The following HMOX1 variants were observed in gnomAD, a reference collection of about 807,000 sequenced individuals.
The protein encoded by HMOX1 is heme oxygenase 1, also known as heat shock protein, 32-kD.
Under a neutral mutation model 27.8 loss-of-function variants are expected in HMOX1, and 22 were observed. That is an observed-to-expected ratio of 0.79 (90% confidence interval 0.57 to 1.13). HMOX1 has a LOEUF of 1.13. Ranked by LOEUF, HMOX1 falls within the 50% of genes most tolerant of loss-of-function variation. The pLI, the probability that HMOX1 is intolerant of heterozygous loss-of-function variation, is 0.00. For missense variants in HMOX1, 379 were observed against 377.7 expected (o/e 1.00, Z -0.03); for synonymous variants, 153 against 151.6 (o/e 1.01, Z -0.07).
intron 3 of HMOX1, among the ~76,000 whole-genome samples, chr22:35,389,071 G>A (rs1050514304): frequency 1.3e-5 from 2 of 152,090 alleles, no homozygotes; most frequent in East Asian, 1.9e-4. Context: ...GGACATGGGC[G>A]GCCACAGTGA....
intron 4 of HMOX1, among the ~76,000 whole-genome samples, chr22:35,391,586 CTTTTTTTT>C (rs56153278): frequency 1.1e-5 from 1 of 89,008 alleles, no homozygotes; most frequent in Non-Finnish European, 2.0e-5. Context: ...CGCGCCCGGC[CTTTTTTTT>C]TTTTTTTTTT....
intron 1 of HMOX1, among the ~76,000 whole-genome samples, chr22:35,381,524 A>G (rs1253661158): frequency 6.7e-6 from 1 of 150,250 alleles, no homozygotes; most frequent in Non-Finnish European, 1.5e-5. Context: ...CTGAATCTAG[A>G]TCTCTGGGGC....
chr22:35,391,585 C>CA lies in HMOX1; in HGVS notation c.736+1622_736+1623insA, dbSNP rs372077518. On this transcript the variant is annotated intron_variant, in intron 4 of 4. Coordinates refer to ENST00000216117, the MANE Select transcript of HMOX1 (RefSeq NM_002133.3). ...TACAGGTGTGAGCCACCGCGCCCGGCCTTTTTTTTTTTTTTTTTTTTTTTT... is the reference window on the plus strand; with the variant it reads ...TACAGGTGTGAGCCACCGCGCCCGGCACTTTTTTTTTTTTTTTTTTTTTTTT... Among the ~76,000 whole-genome samples, 202 of 112,462 alleles carry CA rather than the reference C, an allele frequency of 1.8e-3. 15 individuals carry two copies. The highest frequency in any genetic ancestry group is 6.4e-3 in the African/African-American group (150 of 23,468). The allele number at this position is 112,462 out of a possible 152,430, so 73.8% of individuals were successfully genotyped here. A position where few individuals can be genotyped will look rare whatever the true frequency, so the allele number is the denominator to read the frequency against.
At chr22:35,389,387 C>CTTTCTTT (rs1931635503) in intron 3 of HMOX1, among the ~76,000 whole-genome samples, 6 of 51,196 alleles carry the variant, frequency 1.2e-4, no homozygotes, top group African/African-American at 4.1e-4. Flanking sequence ...TTCCTTCCTT[C>CTTTCTTT]CTTCCTTCCT....
Position 35,381,722 on chromosome 22 carries a change from C to T in HMOX1, c.23+526C>T, listed in dbSNP as rs559835574. ...TCAGAACTGGGCCTTGAACCTTGGT[C>T]TGCCCACCTCCAGGTCTCACTCATT... On this transcript the variant is annotated intron_variant, in intron 1 of 4. Coordinates refer to ENST00000216117, the MANE Select transcript of HMOX1 (RefSeq NM_002133.3). 4.3e-4 allele frequency among the ~76,000 whole-genome samples: 65 copies of T among 152,206 alleles called. 1 individual carries two copies. Among genetic ancestry groups the T allele is most frequent in the Admixed American group, 4.6e-4 (7 of 15,284 alleles).
intron 1 of HMOX1, 74 bp downstream of exon 1, chr22:35,381,270 G>A: frequency 6.7e-7 from 1 of 1,496,000 alleles, no homozygotes; most frequent in Non-Finnish European, 9.0e-7. Flanking sequence ...CCCCACCCCG[G>A]GACACTGCCA....
At chr22:35,384,835 T>C (rs2145765502) in intron 2 of HMOX1, among the ~76,000 whole-genome samples, 1 of 150,660 alleles carries the variant, frequency 6.6e-6, no homozygotes, top group East Asian at 1.9e-4. Context: ...TCAGATCATC[T>C]GCTCTAGGAT....
chr22:35,386,777 C>T lies in HMOX1; in HGVS notation c.237C>T (p.Phe79=), dbSNP rs536618397. The T allele has an allele frequency of 3.5e-5, 56 of 1,614,208 alleles. No homozygotes were observed. The South Asian group carries it at 5.9e-4, about 17-fold the overall frequency. The stretch of plus-strand genomic sequence containing the variant: ...GCCCAGTCTTCGCCCCTGTCTACTT[C>T]CCAGAAGAGCTGCACCGCAAGGCTG... ...KESPVFAPVY[F]PEELHRKAAL... The change falls in exon 3 of 5, where the codon TTC becomes TTT. Residue 79 remains phenylalanine, a synonymous_variant. Transcript: ENST00000216117.
In HMOX1 at chr22:35,393,622, GC is replaced by G; in HGVS notation, c.*26del. 1 of 1,613,922 alleles carries G rather than the reference GC, an allele frequency of 6.2e-7. No homozygotes were observed. Among genetic ancestry groups the G allele is most frequent in the East Asian group, 2.2e-5 (1 of 44,872 alleles). On this transcript the variant is annotated 3_prime_UTR_variant, in exon 5 of 5. Transcript: ENST00000216117. The stretch of plus-strand genomic sequence containing the variant: ...GAATGCAGGCATGCTGGCTCCCAGG[GC>G]CATGAACTTTGTCCGGTGGAAGGCC...
Position 35,386,990 on chromosome 22 carries a change from T to G in HMOX1, c.450T>G (p.Ile150Met). ...DLSGGQVLKK[I>M]AQKALDLPSS... ...CTGGGGGCCAGGTGCTCAAAAAGAT[T>G]GCCCAGAAAGCCCTGGACCTGCCCA... Residue 150 changes from isoleucine (I) to methionine (M), a missense_variant, in exon 3 of 5, where the codon ATT becomes ATG. Ile to Met is a conservative substitution (Grantham distance 10). Transcript: ENST00000216117. 2 of 1,613,950 alleles carry G rather than the reference T, an allele frequency of 1.2e-6. No individual in the cohort carries two copies. Among genetic ancestry groups the G allele is most frequent in the Non-Finnish European group, 1.7e-6 (2 of 1,180,034 alleles).
At chr22:35,390,785 G>A (rs1931697515) in intron 4 of HMOX1, among the ~76,000 whole-genome samples, 1 of 152,132 alleles carries the variant, frequency 6.6e-6, no homozygotes, top group Admixed American at 6.5e-5. Context: ...CCAGGGAGTT[G>A]GGGACCTGTA....
At chr22:35,385,295 A>C (rs1931475254) in intron 2 of HMOX1, among the ~76,000 whole-genome samples, 1 of 152,028 alleles carries the variant, frequency 6.6e-6, no homozygotes, top group Non-Finnish European at 1.5e-5. Flanking sequence ...CCCTCTCCTG[A>C]GCCATGGTGG....
Position 35,381,126 on chromosome 22 carries a change from G to A in HMOX1, c.-48G>A. 6.5e-7 allele frequency: 1 copy of A among 1,535,902 alleles called. No individual in the cohort carries two copies. ...CTGCCTCCTCTCGAGCGTCCTCAGC[G>A]CAGCCGCCGCCCGCGGAGCCAGCAC... is the stretch of plus-strand genomic sequence containing the variant. On this transcript the variant is annotated 5_prime_UTR_variant, in exon 1 of 5. Transcript: ENST00000216117.
chr22:35,392,481 C>T (rs531526356), intron 4 of HMOX1, among the ~76,000 whole-genome samples: 52 of 152,220 alleles, frequency 3.4e-4, no homozygotes, highest in African/African-American at 1.1e-3. Flanking sequence ...CTTGCTTGTA[C>T]TTCCTGTGAC....
At position 35,389,944 on chromosome 22, in the gene HMOX1, G is replaced by A. The variant is rs1237693277; in HGVS notation, c.717G>A (p.Arg239=). 1.9e-6 allele frequency: 3 copies of A among 1,611,376 alleles called. No individual in the cohort carries two copies. The Admixed American group carries it at 5.0e-5, about 27-fold the overall frequency. The part of the protein sequence containing the change: ...SPSRAPGLRQ[R]ASNKVQDSAP... ...CACGGGCACCAGGGCTTCGCCAGCGGGCCAGCAACAAAGTGCAAGGTGAGA... is the reference window on the plus strand; with the variant it reads ...CACGGGCACCAGGGCTTCGCCAGCGAGCCAGCAACAAAGTGCAAGGTGAGA... Residue 239 remains arginine (R), a synonymous_variant, in exon 4 of 5, where the codon CGG becomes CGA. Transcript: ENST00000216117.
At chr22:35,384,988 C>T (rs1220191139) in intron 2 of HMOX1, among the ~76,000 whole-genome samples, 3 of 151,944 alleles carry the variant, frequency 2.0e-5, no homozygotes, top group Non-Finnish European at 4.4e-5. Context: ...TTTCTGTCCC[C>T]TCAAGGAATA....
In HMOX1 at chr22:35,381,120, C is replaced by T; in HGVS notation, c.-54C>T. 1 of 1,535,304 alleles carries T rather than the reference C, an allele frequency of 6.5e-7. No individual in the cohort carries two copies. Among genetic ancestry groups the T allele is most frequent in the Non-Finnish European group, 8.7e-7 (1 of 1,146,246 alleles). ...CAACGCCTGCCTCCTCTCGAGCGTC[C>T]TCAGCGCAGCCGCCGCCCGCGGAGC... On this transcript the variant is annotated 5_prime_UTR_variant, in exon 1 of 5. Transcript: ENST00000216117.
At position 35,391,382 on chromosome 22, in the gene HMOX1, G is replaced by C. The variant is rs549663653; in HGVS notation, c.736+1419G>C. Among the ~76,000 whole-genome samples the C allele has an allele frequency of 2.6e-5, 4 of 151,898 alleles. No individual in the cohort carries two copies. In the East Asian group the frequency reaches 7.7e-4, roughly 29 times the overall value. Reference sequence around the variant, plus strand: ...GGCTCACTGCAAGCTCCGCCTCCCAGGTTCACGCCATTCTCCTGCCTCAGC... The same window carrying C: ...GGCTCACTGCAAGCTCCGCCTCCCACGTTCACGCCATTCTCCTGCCTCAGC... On this transcript the variant is annotated intron_variant, in intron 4 of 4. Transcript: ENST00000216117.
At position 35,393,699 on chromosome 22, in the gene HMOX1, G is replaced by A. The variant is rs1048795422; in HGVS notation, c.*101G>A. ...GGCTGGCTTCCTTACCGTGGGCACT[G>A]AAGGCTTTCAGGGCCTCCAGCCCTC... On this transcript the variant is annotated 3_prime_UTR_variant, in exon 5 of 5. Coordinates refer to ENST00000216117, the MANE Select transcript of HMOX1 (RefSeq NM_002133.3). The A allele has an allele frequency of 4.1e-6, 6 of 1,473,814 alleles. No homozygotes were observed. Among genetic ancestry groups the A allele is most frequent in the Admixed American group, 3.4e-5 (2 of 59,426 alleles). The allele number at this position is 1,473,814 out of a possible 1,614,324, so 91.3% of individuals were successfully genotyped here. A position where few individuals can be genotyped will look rare whatever the true frequency, so the allele number is the denominator to read the frequency against.
Sources: allele counts gnomAD v4.1 joint callset (sites outside exome capture counted in the v4.1 genomes callset), GRCh38; gene constraint gnomAD v4.1.1; transcripts MANE v1.5; gene names NCBI Gene and HGNC (gene_info 2026-07-23, HGNC 2026-07-21).